EML6: variants seen among roughly 807,000 people sequenced by gnomAD.
EML6 encodes EMAP like 6.
Under a neutral mutation model 240.1 loss-of-function variants are expected in EML6, and 154 were observed. The observed-to-expected ratio is 0.64, with a 90% confidence interval of 0.56 to 0.73. The LOEUF is 0.73. Ranked by LOEUF, EML6 falls within the 30% of genes least tolerant of loss-of-function variation. The pLI, the probability that EML6 is intolerant of heterozygous loss-of-function variation, is 0.00. For missense variants in EML6, 2,964 were observed against 2,474.6 expected (o/e 1.20, Z -4.20); for synonymous variants, 1,148 against 899.0 (o/e 1.28, Z -4.95).
intron 36 of EML6, 36 bp downstream of exon 36, chr2:54,962,747 A>G (rs750538537): frequency 2.7e-5 from 39 of 1,432,330 alleles, no homozygotes; most frequent in Non-Finnish European, 3.5e-5. Context: ...GATGCCCACG[A>G]GTGGGCTGCG....
At chr2:54,964,490 C>G in intron 37 of EML6, 81 bp from the exon 38 acceptor site, 1 of 1,352,420 alleles carries the variant, frequency 7.4e-7, no homozygotes, top group Non-Finnish European at 1.0e-6. Flanking sequence ...GCCTGGAAGG[C>G]CTGTCACAGA....
chr2:54,948,780 A>T (rs1451704481), intron 28 of EML6, 102 bp from the exon 29 acceptor site: 3 of 814,962 alleles, frequency 3.7e-6, no homozygotes, highest in Admixed American at 2.2e-5. Context: ...TTGAGGCGGG[A>T]GGAGAGAGGA....
chr2:54,807,380 C>T (rs1344452111), intron 2 of EML6, among the ~76,000 whole-genome samples: 1 of 152,196 alleles, frequency 6.6e-6, no homozygotes, highest in African/African-American at 2.4e-5. Flanking sequence ...GACGTTTTCT[C>T]AATTTTATAT....
At chr2:54,869,146 T>C in intron 14 of EML6, 35 bp from the exon 15 acceptor site, 1 of 1,455,296 alleles carries the variant, frequency 6.9e-7, no homozygotes, top group Middle Eastern at 2.2e-4. Context: ...TGCTGTTTGT[T>C]CAACCACTAT....
intron 25 of EML6, among the ~76,000 whole-genome samples, chr2:54,911,249 T>C (rs1260615866): frequency 1.3e-5 from 2 of 152,172 alleles, no homozygotes; most frequent in African/African-American, 2.4e-5. Flanking sequence ...CAATGTACAG[T>C]TGGTGCTCTG....
Position 54,927,317 on chromosome 2 carries a change from T to C in EML6, c.3676-996T>C, listed in dbSNP as rs188215323. On this transcript the variant is annotated intron_variant, in intron 26 of 41. Transcript: ENST00000356458. ...GAACCCTCCTGCACCTGTTTCCTGC[T>C]GTATGTCTGTGCTGTTTTCAGATTC... is the stretch of plus-strand genomic sequence containing the variant. Among the ~76,000 whole-genome samples the C allele has an allele frequency of 2.7e-3, 407 of 152,336 alleles. 4 individuals carry two copies. Among genetic ancestry groups the C allele is most frequent in the Admixed American group, 0.025 (377 of 15,290 alleles).
intron 35 of EML6, 121 bp downstream of exon 35, chr2:54,960,455 A>C (rs1051066660): frequency 1.4e-6 from 1 of 710,308 alleles, no homozygotes; most frequent in Non-Finnish European, 2.4e-6. Flanking sequence ...TCAATACATG[A>C]ATTGTGCTGT....
At chr2:54,947,728 G>C (rs113454604) in intron 28 of EML6, among the ~76,000 whole-genome samples, 1 of 152,180 alleles carries the variant, frequency 6.6e-6, no homozygotes, top group Non-Finnish European at 1.5e-5. Context: ...GAGAGTGTGC[G>C]GGAAGCATTG....
intron 26 of EML6, among the ~76,000 whole-genome samples, chr2:54,926,069 C>G (rs1374722017): frequency 6.6e-6 from 1 of 152,200 alleles, no homozygotes; most frequent in Non-Finnish European, 1.5e-5. Flanking sequence ...TTCTTCCCTA[C>G]AAGGGATTGA....
intron 28 of EML6, among the ~76,000 whole-genome samples, chr2:54,937,290 A>G (rs1255387991): frequency 1.3e-5 from 2 of 150,358 alleles, no homozygotes; most frequent in African/African-American, 4.9e-5. Flanking sequence ...AAAAAAAAAA[A>G]GAAGAAGTCT....
chr2:54,904,219 C>T (rs536438997), intron 24 of EML6, among the ~76,000 whole-genome samples: 1 of 152,162 alleles, frequency 6.6e-6, no homozygotes, highest in African/African-American at 2.4e-5. Context: ...AGTGGTGAGT[C>T]ACAAGGGAAG....
rs1194241244 is a variant in EML6 at position 54,968,119 on chromosome 2, T to C, written c.5598-9T>C. 1 of 1,550,610 alleles carries C rather than the reference T, an allele frequency of 6.4e-7. No individual in the cohort carries two copies. The highest frequency in any genetic ancestry group is 2.0e-5 in the Admixed American group (1 of 51,004). ...CCTTCTATCCTAACCCCTCTTTCTG[T>C]TGGAACAGCGTCCTGGGAGATGAAG... On this transcript the variant is annotated splice_polypyrimidine_tract_variant and intron_variant, in intron 39 of 41. Coordinates refer to ENST00000356458, the MANE Select transcript of EML6 (RefSeq NM_001039753.4).
At chr2:54,773,251 C>T (rs1668470692) in intron 2 of EML6, among the ~76,000 whole-genome samples, 1 of 152,252 alleles carries the variant, frequency 6.6e-6, no homozygotes, top group Admixed American at 6.5e-5. Context: ...TAAGTGACCT[C>T]AGTCCTTGAA....
chr2:54,948,215 C>G (rs1285535265), intron 28 of EML6, among the ~76,000 whole-genome samples: 1 of 152,124 alleles, frequency 6.6e-6, no homozygotes, highest in Non-Finnish European at 1.5e-5. Flanking sequence ...TTTGGAGGCC[C>G]CAGACCCCAA....
intron 10 of EML6, among the ~76,000 whole-genome samples, chr2:54,852,245 A>G (rs565064092): frequency 2.0e-5 from 3 of 152,358 alleles, no homozygotes; most frequent in South Asian, 4.1e-4. Context: ...TCTGACTTAC[A>G]TAATACTCAT....
rs947831290 is a variant in EML6 at position 54,869,133 on chromosome 2, A to T, written c.2052-48A>T. ...GCCTCTGACACCTCCTGCTCCATGC[A>T]TTTGCTGTTTGTTCAACCACTATGC... is the stretch of plus-strand genomic sequence containing the variant. On this transcript the variant is annotated intron_variant, in intron 14 of 41. Coordinates refer to ENST00000356458, the MANE Select transcript of EML6 (RefSeq NM_001039753.4). 5.3e-6 allele frequency: 7 copies of T among 1,326,080 alleles called. No homozygotes were observed. The African/African-American group carries it at 1.0e-4, about 19-fold the overall frequency. The allele number at this position is 1,326,080 out of a possible 1,614,324, so 82.1% of individuals were successfully genotyped here.
chr2:54,952,731 C>G, intron 31 of EML6, 39 bp downstream of exon 31: 1 of 1,380,864 alleles, frequency 7.2e-7, no homozygotes, highest in Non-Finnish European at 1.0e-6. Context: ...TCCCAGCTTG[C>G]AGGGACGCTG....
rs1444074227 is a variant in EML6, at chr2:54,964,088, A to C, written c.5260A>C (p.Ile1754Leu). 3.2e-6 allele frequency: 5 copies of C among 1,551,778 alleles called. No individual in the cohort carries two copies. In the South Asian group the frequency reaches 5.9e-5, roughly 18 times the overall value. ...TGGCATGAAGAATGGAGAGTTTGTC[A>C]TCTTGTTGGTGAACAGCCTGAAAGT... The part of the protein sequence containing the change: ...AIGMKNGEFV[I>L]LLVNSLKVWG... The change falls in exon 37 of 42, where the codon ATC (isoleucine) becomes CTC (leucine). Residue 1754 changes from isoleucine (I) to leucine (L), a missense_variant. Physicochemically the swap from Ile to Leu is conservative, Grantham distance 5. Coordinates refer to ENST00000356458, the MANE Select transcript of EML6 (RefSeq NM_001039753.4).
At chr2:54,877,246 A>C (rs1021076447) in intron 16 of EML6, among the ~76,000 whole-genome samples, 6 of 152,102 alleles carry the variant, frequency 3.9e-5, no homozygotes, top group African/African-American at 1.4e-4. Flanking sequence ...AGCCTCCCAA[A>C]GTGTTGGGAT....
Sources: gnomAD v4.1 joint callset for allele counts (sites outside exome capture counted in the v4.1 genomes callset) on GRCh38, gnomAD v4.1.1 for gene constraint, MANE v1.5 for transcripts, NCBI Gene and HGNC (gene_info 2026-07-23, HGNC 2026-07-21) for gene names.